Variants in ATP8B4 observed in about 807,000 individuals in gnomAD.
ATP8B4 encodes ATPase phospholipid transporting 8B4 (putative).
ATP8B4 carries 133 observed loss-of-function variants against 145.6 expected under a neutral mutation model. The ratio of observed to expected loss-of-function variants is 0.91; its 90% CI spans 0.79 to 1.05. ATP8B4 has a LOEUF of 1.05. ATP8B4 is among the 50% of genes least tolerant of loss of function. The probability of loss-of-function intolerance (pLI) is 0.00; values close to 1 mark genes in which losing one functional copy is unlikely to be tolerated. For missense variants in ATP8B4, 1,458 were observed against 1,425.2 expected, an observed-to-expected ratio of 1.02 and a Z score of -0.37; for synonymous variants, 507 against 492.9, an observed-to-expected ratio of 1.03 and a Z score of -0.38.
At chr15:50,041,786 A>G (rs1425884341) in intron 5 of ATP8B4, among the ~76,000 whole-genome samples, 1 of 152,098 alleles carries the variant, frequency 6.6e-6, no homozygotes, top group Non-Finnish European at 1.5e-5. Context: ...TAAAAATACA[A>G]AAAATTAGCC....
Position 50,047,400 on chromosome 15 carries a change from T to A in ATP8B4, c.152A>T (p.Gln51Leu). 6.2e-7 allele frequency: 1 copy of A among 1,600,470 alleles called. No homozygotes were observed. Among genetic ancestry groups the A allele is most frequent in the Non-Finnish European group, 8.6e-7 (1 of 1,167,694 alleles). Residue 51 changes from glutamine to leucine, a missense_variant, in exon 4 of 28, where the codon CAG (glutamine) becomes CTG (leucine). By Grantham distance (113) the Gln-to-Leu change is moderately radical. Coordinates refer to ENST00000284509, the MANE Select transcript of ATP8B4 (RefSeq NM_024837.4). ...ATAGGCATTTGCCACTCTTTGGAACTGTTCAAATAAATTAATTGGCAAGAA... is the reference window on the plus strand; with the variant it reads ...ATAGGCATTTGCCACTCTTTGGAACAGTTCAAATAAATTAATTGGCAAGAA... ...LTFLPINLFE[Q>L]FQRVANAYFL...
intron 23 of ATP8B4, among the ~76,000 whole-genome samples, chr15:49,888,373 C>G (rs1303240941): frequency 6.6e-6 from 1 of 152,072 alleles, no homozygotes; most frequent in Non-Finnish European, 1.5e-5. Flanking sequence ...TTTGACAGAA[C>G]TAAAGTTTTT....
Position 50,047,336 on chromosome 15 carries a change from C to T in ATP8B4, c.201+15G>A, listed in dbSNP as rs1217131130. On this transcript the variant is annotated intron_variant, in intron 4 of 27. Coordinates refer to ENST00000284509, the MANE Select transcript of ATP8B4 (RefSeq NM_024837.4). ...TAAACAAACAGATAATAGAGAAATA[C>T]AACCTAAATATTACCTGTAAAATCA... 2.1e-6 allele frequency: 3 copies of T among 1,439,448 alleles called. No homozygotes were observed. Among genetic ancestry groups the T allele is most frequent in the Non-Finnish European group, 2.9e-6 (3 of 1,025,902 alleles). The allele number at this position is 1,439,448 out of a possible 1,614,324, so 89.2% of individuals were successfully genotyped here. A position where few individuals can be genotyped will look rare whatever the true frequency, so the allele number is the denominator to read the frequency against.
intron 21 of ATP8B4, among the ~76,000 whole-genome samples, chr15:49,898,551 G>A (rs2037675341): frequency 6.6e-6 from 1 of 152,240 alleles, no homozygotes; most frequent in South Asian, 2.1e-4. Context: ...GTTAAATGCT[G>A]GAGAAGTTCT....
rs1422815412 is a variant in ATP8B4 at position 49,858,620 on chromosome 15, ACT to A, written c.*1572_*1573del. 2.6e-5 allele frequency: 4 copies of A among 152,158 alleles called. No individual in the cohort carries two copies. The highest frequency in any genetic ancestry group is 9.7e-5 in the African/African-American group (4 of 41,434). 9.4% of individuals were successfully genotyped at this position (152,158 alleles called of 1,614,324 possible). A position where few individuals can be genotyped will look rare whatever the true frequency, so the allele number is the denominator to read the frequency against. ...GAATTTAATAGGGACCAGATTAAGG[ACT>A]CTGTAGAATTAGAAGTTGATTTGTA... is the stretch of plus-strand genomic sequence containing the variant. On this transcript the variant is annotated 3_prime_UTR_variant, in exon 28 of 28. Coordinates refer to ENST00000284509, the MANE Select transcript of ATP8B4 (RefSeq NM_024837.4).
chr15:50,028,906 T>C (rs959867576), intron 6 of ATP8B4, among the ~76,000 whole-genome samples: 1 of 152,154 alleles, frequency 6.6e-6, no homozygotes, highest in East Asian at 1.9e-4. Context: ...ACAAACTATG[T>C]GGCTTAAAAG....
intron 21 of ATP8B4, 26 bp downstream of exon 21, chr15:49,901,066 A>C (rs1362332769): frequency 6.2e-7 from 1 of 1,603,832 alleles, no homozygotes; most frequent in South Asian, 1.1e-5. Context: ...AGAAAAAGAA[A>C]GGACAAAAAC....
chr15:49,885,113 G>T, intron 23 of ATP8B4, among the ~76,000 whole-genome samples: 1 of 152,044 alleles, frequency 6.6e-6, no homozygotes, highest in Non-Finnish European at 1.5e-5. Context: ...GCCCTTCCTG[G>T]TCCCCTGCCT....
At chr15:50,116,865 T>A (rs4525435) in intron 1 of ATP8B4, among the ~76,000 whole-genome samples, 1 of 152,032 alleles carries the variant, frequency 6.6e-6, no homozygotes, top group Non-Finnish European at 1.5e-5. Context: ...AAAAACATAA[T>A]GATCAATAAT....
chr15:49,936,118 A>G (rs904992550), intron 14 of ATP8B4, among the ~76,000 whole-genome samples: 6 of 152,170 alleles, frequency 3.9e-5, no homozygotes, highest in Non-Finnish European at 7.3e-5. Context: ...AGATATGTAC[A>G]TAAGTCTGTC....
chr15:49,901,024 T>C, intron 21 of ATP8B4, 68 bp downstream of exon 21: 2 of 1,545,794 alleles, frequency 1.3e-6, no homozygotes, highest in Non-Finnish European at 1.8e-6. Flanking sequence ...GGTCTCATTA[T>C]GATAGCACAA....
At chr15:50,179,341 G>C (rs534727327) in intron 1 of ATP8B4, among the ~76,000 whole-genome samples, 1 of 152,272 alleles carries the variant, frequency 6.6e-6, no homozygotes, top group South Asian at 2.1e-4. Context: ...AACGTGCTAA[G>C]CTATCGATCA....
At chr15:49,944,226 C>T (rs181298221) in intron 14 of ATP8B4, among the ~76,000 whole-genome samples, 212 of 152,198 alleles carry the variant, frequency 1.4e-3, no homozygotes, top group African/African-American at 4.6e-3. Flanking sequence ...GTAACAATTA[C>T]TTTAAATGTG....
chr15:50,016,588 AGAGCTCTG>A (rs372398557), intron 6 of ATP8B4, among the ~76,000 whole-genome samples: 42 of 152,304 alleles, frequency 2.8e-4, no homozygotes, highest in African/African-American at 9.6e-4. Flanking sequence ...AAGACCACGG[AGAGCTCTG>A]GAGCTCTGGA....
intron 1 of ATP8B4, among the ~76,000 whole-genome samples, chr15:50,142,355 T>C (rs534745852): frequency 1.3e-5 from 2 of 151,896 alleles, no homozygotes; most frequent in South Asian, 4.2e-4. Context: ...CAACTCAGAG[T>C]TATCACGAAA....
rs569524779 is a variant in ATP8B4, at chr15:49,890,448, C to T, written c.2697+6844G>A. 6.6e-5 allele frequency among the ~76,000 whole-genome samples: 10 copies of T among 152,292 alleles called. No homozygotes were observed. The South Asian group carries it at 1.9e-3, about 28-fold the overall frequency. On this transcript the variant is annotated intron_variant, in intron 23 of 27. Transcript: ENST00000284509. Reference sequence around the variant, plus strand: ...TGGCAGGGAGTGGGAAGACCTCAGACAGCTGACTTTCTTTAAAAGACTGGA... The same window carrying T: ...TGGCAGGGAGTGGGAAGACCTCAGATAGCTGACTTTCTTTAAAAGACTGGA...
At chr15:49,975,038 C>G (rs1419956284) in intron 12 of ATP8B4, among the ~76,000 whole-genome samples, 1 of 152,058 alleles carries the variant, frequency 6.6e-6, no homozygotes, top group African/African-American at 2.4e-5. Context: ...CTATAATCAC[C>G]CATTTATTTT....
chr15:49,879,519 A>G, intron 23 of ATP8B4, 60 bp from the exon 24 acceptor site: 1 of 1,434,254 alleles, frequency 7.0e-7, no homozygotes, highest in Non-Finnish European at 9.5e-7. Context: ...GAATATTCAC[A>G]TTTAGGTTAA....
At chr15:50,141,937 A>G (rs2044218136) in intron 1 of ATP8B4, among the ~76,000 whole-genome samples, 1 of 152,198 alleles carries the variant, frequency 6.6e-6, no homozygotes, top group South Asian at 2.1e-4. Flanking sequence ...AGGAGGGAGC[A>G]ACTTCTCTGC....
Sources: allele counts gnomAD v4.1 joint callset (sites outside exome capture counted in the v4.1 genomes callset), GRCh38; gene constraint gnomAD v4.1.1; transcripts MANE v1.5; gene names NCBI Gene and HGNC (gene_info 2026-07-23, HGNC 2026-07-21).